Variants in PLCB4 observed in about 807,000 individuals in gnomAD.
PLCB4 encodes 1-phosphatidylinositol 4,5-bisphosphate phosphodiesterase beta-4.
Under a neutral mutation model 178.8 loss-of-function variants are expected in PLCB4, and 77 were observed. The ratio of observed to expected loss-of-function variants is 0.43; its 90% CI spans 0.36 to 0.52. PLCB4 has a LOEUF of 0.52. Among genes scored for constraint, PLCB4 ranks in the 20% least tolerant of loss-of-function variants. The pLI, the probability that PLCB4 is intolerant of heterozygous loss-of-function variation, is 0.00. For missense variants in PLCB4, 1,024 were observed against 1,453.4 expected (o/e 0.70, Z 4.80); for synonymous variants, 496 against 490.8 (o/e 1.01, Z -0.14).
chr20:9,263,332 T>C (rs2094317040), intron 3 of PLCB4, among the ~76,000 whole-genome samples: 2 of 152,188 alleles, frequency 1.3e-5, no homozygotes, highest in Admixed American at 1.3e-4. Context: ...TACCCTATGA[T>C]ATCTTAGCAG....
At chr20:9,324,589 A>C (rs527783264) in intron 4 of PLCB4, among the ~76,000 whole-genome samples, 3 of 152,344 alleles carry the variant, frequency 2.0e-5, no homozygotes, top group Admixed American at 6.5e-5. Context: ...CCCTTCCCTC[A>C]GGGTAAGAGG....
intron 8 of PLCB4, among the ~76,000 whole-genome samples, chr20:9,364,741 T>G (rs1270104390): frequency 6.6e-6 from 1 of 152,212 alleles, no homozygotes; most frequent in Non-Finnish European, 1.5e-5. Flanking sequence ...TTCTGCAAAT[T>G]GTTAGCACAT....
chr20:9,457,464 C>T lies in PLCB4; in HGVS notation c.3047C>T (p.Thr1016Met), dbSNP rs751930106. Reference sequence around the variant, plus strand: ...AAAGAAACAGAAATCAAAATTCAGACGCTGACATCAGATCACAAATCTAAG... The same window carrying T: ...AAAGAAACAGAAATCAAAATTCAGATGCTGACATCAGATCACAAATCTAAG... Reference protein sequence around the residue: ...MKKETEIKIQTLTSDHKSKVK... With the variant: ...MKKETEIKIQMLTSDHKSKVK... The change falls in exon 34 of 40, where the codon ACG becomes ATG. Residue 1016 changes from threonine to methionine, a missense_variant. Coordinates refer to ENST00000378473, the MANE Select transcript of PLCB4 (RefSeq NM_001377142.1). 42 of 1,545,548 alleles carry T rather than the reference C, an allele frequency of 2.7e-5. No homozygotes were observed. Among genetic ancestry groups the T allele is most frequent in the East Asian group, 9.0e-5 (4 of 44,574 alleles).
chr20:9,357,438 G>T (rs1202322557), intron 7 of PLCB4, among the ~76,000 whole-genome samples: 3 of 152,160 alleles, frequency 2.0e-5, no homozygotes, highest in Non-Finnish European at 2.9e-5. Flanking sequence ...TCTTCCCAGG[G>T]CTATCACTAT....
intron 3 of PLCB4, among the ~76,000 whole-genome samples, chr20:9,261,619 C>T (rs1387365262): frequency 6.6e-6 from 1 of 152,120 alleles, no homozygotes; most frequent in Non-Finnish European, 1.5e-5. Flanking sequence ...GTGGTGAGGA[C>T]TGAACATACT....
At chr20:9,420,845 T>C (rs1444369216) in intron 26 of PLCB4, among the ~76,000 whole-genome samples, 4 of 152,208 alleles carry the variant, frequency 2.6e-5, no homozygotes, top group African/African-American at 9.6e-5. Flanking sequence ...ATATCAGTAA[T>C]GACAGACAAA....
chr20:9,078,116 G>A (rs978809982), intron 1 of PLCB4, among the ~76,000 whole-genome samples: 2 of 151,812 alleles, frequency 1.3e-5, no homozygotes, highest in African/African-American at 4.8e-5. Flanking sequence ...GAGTAGTTGG[G>A]ACCAGAGGCG....
chr20:9,408,314 C>T (rs189195539), intron 22 of PLCB4, among the ~76,000 whole-genome samples: 2 of 152,240 alleles, frequency 1.3e-5, no homozygotes, highest in Admixed American at 1.3e-4. Context: ...TCTTCTGTTC[C>T]CAAGTGCATT....
At chr20:9,473,939 C>T (rs67568572) in intron 38 of PLCB4, among the ~76,000 whole-genome samples, 12,592 of 152,150 alleles carry the variant, frequency 0.083, 679 homozygotes, top group East Asian at 0.3. Context: ...TTATCCAGGC[C>T]GGGCGCAGTG....
chr20:9,295,351 A>G (rs916082724), intron 3 of PLCB4, among the ~76,000 whole-genome samples: 2 of 152,160 alleles, frequency 1.3e-5, no homozygotes, highest in African/African-American at 4.8e-5. Flanking sequence ...ACTTGAAAAC[A>G]GTGACAAGTT....
At chr20:9,358,791 C>T (rs1238574032) in intron 7 of PLCB4, among the ~76,000 whole-genome samples, 1 of 152,052 alleles carries the variant, frequency 6.6e-6, no homozygotes, top group Admixed American at 6.5e-5. Context: ...CCCATCTACT[C>T]ATGAGGCTGA....
At chr20:9,308,932 A>G (rs143685187) in intron 4 of PLCB4, among the ~76,000 whole-genome samples, 1,709 of 152,356 alleles carry the variant, frequency 0.011, 11 homozygotes, top group Non-Finnish European at 0.017. Context: ...AAGATGAAAC[A>G]GAATAATATT....
At chr20:9,112,427 G>T (rs899045008) in intron 2 of PLCB4, among the ~76,000 whole-genome samples, 1 of 151,708 alleles carries the variant, frequency 6.6e-6, no homozygotes, top group Non-Finnish European at 1.5e-5. Context: ...GCTAATTTTT[G>T]TATTTTTGTA....
chr20:9,235,798 C>G (rs2093986804), intron 3 of PLCB4, among the ~76,000 whole-genome samples: 1 of 152,184 alleles, frequency 6.6e-6, no homozygotes, highest in Admixed American at 6.5e-5. Flanking sequence ...ATTTAAGCTC[C>G]ACAGTCATTG....
intron 25 of PLCB4, among the ~76,000 whole-genome samples, chr20:9,417,161 G>T (rs556691206): frequency 1.3e-5 from 2 of 152,030 alleles, no homozygotes; most frequent in South Asian, 4.2e-4. Context: ...TTGATGTACT[G>T]CTCATAGTAT....
Position 9,145,852 on chromosome 20 carries a change from T to G in PLCB4, c.-79+49510T>G, listed in dbSNP as rs6039398. ...GGGGAGAGGTCTTGTGACCTGTTTT[T>G]GGGGGTTTTAGGGAAAGCTTCCAGG... On this transcript the variant is annotated intron_variant, in intron 2 of 39. Coordinates refer to ENST00000378473, the MANE Select transcript of PLCB4 (RefSeq NM_001377142.1). Among the ~76,000 whole-genome samples, 74 of 152,152 alleles carry G rather than the reference T, an allele frequency of 4.9e-4. 1 individual carries two copies. The highest frequency in any genetic ancestry group is 1.3e-3 in the African/African-American group (56 of 41,532).
chr20:9,389,330 A>C (rs979340456), intron 15 of PLCB4, among the ~76,000 whole-genome samples: 2 of 152,050 alleles, frequency 1.3e-5, no homozygotes, highest in Admixed American at 6.5e-5. Context: ...TAACCAGGCT[A>C]ATAGGAAACA....
At chr20:9,248,030 G>A (rs1271324625) in intron 3 of PLCB4, among the ~76,000 whole-genome samples, 2 of 152,092 alleles carry the variant, frequency 1.3e-5, no homozygotes, top group Non-Finnish European at 2.9e-5. Context: ...ATCAATGCAT[G>A]TGTCCTGTCA....
At chr20:9,106,268 G>A (rs994468702) in intron 2 of PLCB4, among the ~76,000 whole-genome samples, 1 of 151,524 alleles carries the variant, frequency 6.6e-6, no homozygotes, top group South Asian at 2.1e-4. Flanking sequence ...AGTAATTGTG[G>A]TTTTTTGCAT....
Sources: allele counts gnomAD v4.1 joint callset (sites outside exome capture counted in the v4.1 genomes callset), GRCh38; gene constraint gnomAD v4.1.1; transcripts MANE v1.5; gene names NCBI Gene and HGNC (gene_info 2026-07-23, HGNC 2026-07-21).